The following NAALADL2 variants were observed in gnomAD, a reference collection of about 807,000 sequenced individuals.
NAALADL2 encodes N-acetylated alpha-linked acidic dipeptidase like 2.
NAALADL2 carries 76 observed loss-of-function variants against 87.2 expected under a neutral mutation model. That is an observed-to-expected ratio of 0.87 (90% CI 0.72 to 1.05). The LOEUF (loss-of-function observed/expected upper bound fraction) is 1.05. Among genes scored for constraint, NAALADL2 ranks in the 50% least tolerant of loss-of-function variants. The pLI is 0.00. For synonymous variants in NAALADL2, 354 were observed against 331.0 expected (o/e 1.07, Z -0.75); for missense variants, 1,089 against 945.8 (o/e 1.15, Z -1.99).
chr3:175,296,520 G>GTTTT (rs1276930807), intron 4 of NAALADL2, among the ~76,000 whole-genome samples: 1 of 152,088 alleles, frequency 6.6e-6, no homozygotes, highest in Non-Finnish European at 1.5e-5. Context: ...ATAGCCCTTT[G>GTTTT]TTTTTCCCTT....
intron 11 of NAALADL2, among the ~76,000 whole-genome samples, chr3:175,657,747 AT>A (rs144337457): frequency 0.11 from 16,983 of 151,368 alleles, 1,880 homozygotes; most frequent in African/African-American, 0.28. Context: ...CGCCCGGCTA[AT>A]TTTTTTGTAT....
rs543093527 is a variant in NAALADL2 at position 175,404,428 on chromosome 3, G to A, written c.1091-42801G>A. Among the ~76,000 whole-genome samples, 236 of 152,148 alleles carry A rather than the reference G, an allele frequency of 1.6e-3. 4 individuals are homozygous for A. Among genetic ancestry groups the A allele is most frequent in the Non-Finnish European group, 2.6e-3 (179 of 67,968 alleles). The stretch of plus-strand genomic sequence containing the variant: ...TTACCCATCTGTATTCCTGAACGTC[G>A]AATAGCCACAACTTCTGAAGGAAGA... On this transcript the variant is annotated intron_variant, in intron 5 of 13. Transcript: ENST00000454872.
chr3:174,997,501 A>G lies in NAALADL2; in HGVS notation c.44-99289A>G, dbSNP rs1747660844. 2.0e-5 allele frequency among the ~76,000 whole-genome samples: 3 copies of G among 152,148 alleles called. No homozygotes were observed. The South Asian group carries it at 6.2e-4, about 32-fold the overall frequency. ...AAATGGATATTAAAACAGAAAAAAG[A>G]GAAAATGCTAAATTGTGAAGAAGGT... On this transcript the variant is annotated intron_variant, in intron 1 of 13. Coordinates refer to ENST00000454872, the MANE Select transcript of NAALADL2 (RefSeq NM_207015.3).
At chr3:175,319,959 G>A (rs1759635262) in intron 4 of NAALADL2, among the ~76,000 whole-genome samples, 1 of 152,222 alleles carries the variant, frequency 6.6e-6, no homozygotes, top group Non-Finnish European at 1.5e-5. Context: ...TGTCCTCAGC[G>A]AATGGTGCTG....
At chr3:175,556,652 T>C (rs999303526) in intron 9 of NAALADL2, among the ~76,000 whole-genome samples, 3 of 152,120 alleles carry the variant, frequency 2.0e-5, no homozygotes, top group Non-Finnish European at 4.4e-5. Context: ...AAAAAAAATC[T>C]CAGGAAAGCA....
intron 4 of NAALADL2, among the ~76,000 whole-genome samples, chr3:175,288,112 C>T (rs1755201655): frequency 6.6e-6 from 1 of 152,034 alleles, no homozygotes; most frequent in Non-Finnish European, 1.5e-5. Context: ...ACCAGAGTCT[C>T]ACTCCGTCTC....
intron 5 of NAALADL2, among the ~76,000 whole-genome samples, chr3:175,410,379 A>C (rs1278670133): frequency 6.6e-6 from 1 of 152,192 alleles, no homozygotes; most frequent in Non-Finnish European, 1.5e-5. Context: ...CAGATGGTTG[A>C]GTTGTAACCC....
At chr3:175,530,255 C>A (rs903529712) in intron 9 of NAALADL2, among the ~76,000 whole-genome samples, 6 of 152,198 alleles carry the variant, frequency 3.9e-5, no homozygotes, top group Non-Finnish European at 7.3e-5. Context: ...ACATGGGATA[C>A]AAATATCTTC....
intron 1 of NAALADL2, among the ~76,000 whole-genome samples, chr3:175,075,146 A>T (rs1231760462): frequency 6.6e-6 from 1 of 152,084 alleles, no homozygotes; most frequent in Non-Finnish European, 1.5e-5. Context: ...TCAGATGAGA[A>T]AATTGAATTT....
At position 175,803,364 on chromosome 3, in the gene NAALADL2, A is replaced by T. The variant is rs1044224801; in HGVS notation, c.*161A>T. ...TTTTTTAAATGTAAATATAGAAAGA[A>T]CATTTTGCACATTTAATATTTTTCT... is the stretch of plus-strand genomic sequence containing the variant. On this transcript the variant is annotated 3_prime_UTR_variant, in exon 14 of 14. Coordinates refer to ENST00000454872, the MANE Select transcript of NAALADL2 (RefSeq NM_207015.3). 4.6e-6 allele frequency: 2 copies of T among 436,632 alleles called. No homozygotes were observed. The highest frequency in any genetic ancestry group is 6.6e-5 in the South Asian group (1 of 15,266). 27.0% of individuals were successfully genotyped at this position (436,632 alleles called of 1,614,324 possible). A position where few individuals can be genotyped will look rare whatever the true frequency, so the allele number is the denominator to read the frequency against.
At position 174,698,741 on chromosome 3, in the gene NAALADL2, TTAG is replaced by T. The variant is rs1439360350; in HGVS notation, c.-114-38898_-114-38896del. Among the ~76,000 whole-genome samples the T allele has an allele frequency of 4.7e-3, 631 of 133,192 alleles. 148 individuals are homozygous for T. The highest frequency in any genetic ancestry group is 0.02 in the African/African-American group (605 of 30,540). The allele number at this position is 133,192 out of a possible 152,430, so 87.4% of individuals were successfully genotyped here. On this transcript the variant is annotated intron_variant, in intron 2 of 3. Transcript: ENST00000434257. ...TAGCCGGGCGTAGTGGCGGGCGCCT[TTAG>T]TCCCAGCTACTTGGGAGGCTGAGGC...
intron 1 of NAALADL2, among the ~76,000 whole-genome samples, chr3:175,066,825 A>G (rs1187725964): frequency 6.6e-6 from 1 of 152,162 alleles, no homozygotes; most frequent in Non-Finnish European, 1.5e-5. Context: ...GTGAACACAC[A>G]TGTAGGCAAT....
At chr3:174,579,672 T>A (rs1715939170) in intron 2 of NAALADL2, among the ~76,000 whole-genome samples, 1 of 152,108 alleles carries the variant, frequency 6.6e-6, no homozygotes, top group Non-Finnish European at 1.5e-5. Flanking sequence ...TATTGATTTA[T>A]ACACTTATGA....
In NAALADL2 at chr3:174,803,939, C is replaced by T. The variant is rs1250039308; in HGVS notation, c.-9+66193C>T. ...GCTTTGTTCTTTTGCTTAGGATTGT[C>T]GTGGCTATGCGGGCTCTTTTTTGGT... is the stretch of plus-strand genomic sequence containing the variant. On this transcript the variant is annotated intron_variant, in intron 3 of 3. Coordinates refer to the NAALADL2 transcript ENST00000434257. 3.3e-5 allele frequency among the ~76,000 whole-genome samples: 5 copies of T among 152,190 alleles called. No homozygotes were observed. In the East Asian group the frequency reaches 7.7e-4, roughly 24 times the overall value.
In NAALADL2 at chr3:175,324,109, A is replaced by G. The variant is rs1230608732; in HGVS notation, c.940-66A>G. The G allele has an allele frequency of 2.2e-6, 3 of 1,340,728 alleles. No individual in the cohort carries two copies. The African/African-American group carries it at 4.5e-5, about 20-fold the overall frequency. 83.1% of individuals were successfully genotyped at this position (1,340,728 alleles called of 1,614,324 possible). On this transcript the variant is annotated intron_variant, in intron 4 of 13. Coordinates refer to ENST00000454872, the MANE Select transcript of NAALADL2 (RefSeq NM_207015.3). Reference sequence around the variant, plus strand: ...TCATCTTATCATAGCCACATTGGCAAAATGGCACTATATGAACTTTTAATG... The same window carrying G: ...TCATCTTATCATAGCCACATTGGCAGAATGGCACTATATGAACTTTTAATG...
At chr3:174,655,809 C>A (rs1458047558) in intron 2 of NAALADL2, among the ~76,000 whole-genome samples, 3 of 151,986 alleles carry the variant, frequency 2.0e-5, no homozygotes, top group Non-Finnish European at 4.4e-5. Flanking sequence ...TTTAAATTAC[C>A]TTACTTTATC....
intron 3 of NAALADL2, among the ~76,000 whole-genome samples, chr3:175,252,359 T>C (rs1472906373): frequency 6.6e-6 from 1 of 152,202 alleles, no homozygotes; most frequent in Non-Finnish European, 1.5e-5. Flanking sequence ...TAATCTCAGA[T>C]GTTACCATTG....
intron 10 of NAALADL2, among the ~76,000 whole-genome samples, chr3:175,600,289 C>A (rs1167804894): frequency 2.0e-5 from 3 of 151,632 alleles, no homozygotes; most frequent in African/African-American, 7.3e-5. Flanking sequence ...TATGTACATA[C>A]ACATAATCTC....
intron 10 of NAALADL2, among the ~76,000 whole-genome samples, chr3:175,602,570 C>T (rs1204410663): frequency 1.3e-5 from 2 of 151,724 alleles, no homozygotes; most frequent in South Asian, 2.1e-4. Flanking sequence ...AAAGCCAATG[C>T]GGTCAAAGAG....
Sources: gnomAD v4.1 joint callset for allele counts (sites outside exome capture counted in the v4.1 genomes callset) on GRCh38, gnomAD v4.1.1 for gene constraint, MANE v1.5 for transcripts, NCBI Gene and HGNC (gene_info 2026-07-23, HGNC 2026-07-21) for gene names.